CCDC192: variants seen among roughly 807,000 people sequenced by gnomAD.
CCDC192 encodes coiled-coil domain-containing protein 192.
chr5:127,894,467 A>G (rs1224829400), intron 6 of CCDC192, among the ~76,000 whole-genome samples: 1 of 152,142 alleles, frequency 6.6e-6, no homozygotes, highest in Non-Finnish European at 1.5e-5. Context: ...CTAGGATTAC[A>G]CGCGTGAGCC....
chr5:127,830,158 G>C (rs545108597), intron 5 of CCDC192, among the ~76,000 whole-genome samples: 1 of 136,288 alleles, frequency 7.3e-6, no homozygotes, highest in African/African-American at 2.9e-5. Flanking sequence ...GATGCCTTTC[G>C]CAGTCTCAAA....
rs1228246159 is a variant in CCDC192, at chr5:127,849,757, T to C, written c.412-25781T>C. Among the ~76,000 whole-genome samples, 4 of 152,352 alleles carry C rather than the reference T, an allele frequency of 2.6e-5. No homozygotes were observed. In the East Asian group the frequency reaches 7.7e-4, roughly 29 times the overall value. On this transcript the variant is annotated intron_variant, in intron 5 of 6. Transcript: ENST00000514853. ...TCTTCAACTTCTCAGTAATACCTTT[T>C]CCTAAAGCCAGTCCTGTTTCCTAAA...
chr5:127,861,484 G>A (rs541650125), intron 5 of CCDC192, among the ~76,000 whole-genome samples: 5 of 151,440 alleles, frequency 3.3e-5, no homozygotes, highest in African/African-American at 9.7e-5. Context: ...GCAAAGCCCC[G>A]TCTTTACTGA....
chr5:127,814,466 G>A (rs969073366), intron 5 of CCDC192, among the ~76,000 whole-genome samples: 9 of 152,270 alleles, frequency 5.9e-5, no homozygotes, highest in Non-Finnish European at 1.2e-4. Context: ...TTGCAAGGCT[G>A]CCATGTTGAG....
At chr5:127,931,656 G>A (rs1337542054) in intron 6 of CCDC192, among the ~76,000 whole-genome samples, 1 of 152,052 alleles carries the variant, frequency 6.6e-6, no homozygotes, top group African/African-American at 2.4e-5. Context: ...TCCTTGGGAA[G>A]CTCTGTAAAA....
At chr5:127,724,312 C>T (rs111722944) in intron 2 of CCDC192, among the ~76,000 whole-genome samples, 1 of 152,266 alleles carries the variant, frequency 6.6e-6, no homozygotes, top group Admixed American at 6.5e-5. Context: ...TTTCTACCTG[C>T]GATCTTCCTT....
chr5:127,757,839 G>T (rs528266731), intron 3 of CCDC192, among the ~76,000 whole-genome samples: 2 of 150,566 alleles, frequency 1.3e-5, no homozygotes, highest in Admixed American at 1.3e-4. Flanking sequence ...GTATGTGTGT[G>T]TGTGTGTGTG....
intron 6 of CCDC192, among the ~76,000 whole-genome samples, chr5:127,892,693 C>T (rs1416493899): frequency 2.6e-5 from 4 of 152,000 alleles, no homozygotes; most frequent in Admixed American, 6.6e-5. Context: ...TGGCATTGTT[C>T]TAGAGAGAAA....
chr5:127,755,743 C>G (rs1580603961), intron 3 of CCDC192, among the ~76,000 whole-genome samples: 1 of 146,962 alleles, frequency 6.8e-6, no homozygotes, highest in African/African-American at 2.5e-5. Flanking sequence ...CAATGGATAA[C>G]TAAAAAAGGG....
At chr5:127,922,313 T>A (rs1345959683) in intron 6 of CCDC192, among the ~76,000 whole-genome samples, 1 of 152,256 alleles carries the variant, frequency 6.6e-6, no homozygotes, top group African/African-American at 2.4e-5. Context: ...GACTACAAAA[T>A]GAGACTTGTA....
chr5:127,857,101 T>A (rs1022749874), intron 5 of CCDC192, among the ~76,000 whole-genome samples: 1 of 152,222 alleles, frequency 6.6e-6, no homozygotes, highest in Non-Finnish European at 1.5e-5. Flanking sequence ...TGCATTCTCA[T>A]GGAAATCTCA....
chr5:127,912,419 C>CAAAAAAA lies in CCDC192; in HGVS notation c.536-28748_536-28742dup, dbSNP rs60854127. Reference sequence around the variant, plus strand: ...AGTGAGAATAGATTCCTGGGTTTAGCAAAAAAAAAAAAAAAAAAAAATGAA... The same window carrying CAAAAAAA: ...AGTGAGAATAGATTCCTGGGTTTAGCAAAAAAAAAAAAAAAAAAAAAAAAAAAATGAA... On this transcript the variant is annotated intron_variant, in intron 6 of 6. Coordinates refer to ENST00000514853, the MANE Select transcript of CCDC192 (RefSeq NM_001317938.2). Among the ~76,000 whole-genome samples the CAAAAAAA allele has an allele frequency of 2.2e-3, 183 of 81,422 alleles. 16 individuals are homozygous for CAAAAAAA. Among genetic ancestry groups the CAAAAAAA allele is most frequent in the African/African-American group, 7.7e-3 (152 of 19,812 alleles). 53.4% of individuals were successfully genotyped at this position (81,422 alleles called of 152,430 possible). A position where few individuals can be genotyped will look rare whatever the true frequency, so the allele number is the denominator to read the frequency against.
At chr5:127,807,091 G>A (rs1277001105) in intron 5 of CCDC192, among the ~76,000 whole-genome samples, 8 of 152,102 alleles carry the variant, frequency 5.3e-5, no homozygotes, top group Non-Finnish European at 1.5e-5. Context: ...ATAGTTTTTT[G>A]GAGGTTACGT....
chr5:127,856,133 A>G (rs1430981294), intron 5 of CCDC192, among the ~76,000 whole-genome samples: 1 of 152,168 alleles, frequency 6.6e-6, no homozygotes, highest in Non-Finnish European at 1.5e-5. Flanking sequence ...TCACCATTGA[A>G]AATCTGTTGT....
chr5:127,859,809 TAA>T (rs1383337702), intron 5 of CCDC192, among the ~76,000 whole-genome samples: 1 of 152,250 alleles, frequency 6.6e-6, no homozygotes, highest in Non-Finnish European at 1.5e-5. Context: ...ACCAATTTAC[TAA>T]GTCTCTTGTC....
chr5:127,832,156 A>G (rs575256218), intron 5 of CCDC192, among the ~76,000 whole-genome samples: 4 of 152,354 alleles, frequency 2.6e-5, no homozygotes, highest in East Asian at 1.9e-4. Context: ...AATATCTTTA[A>G]TCTCACCAGT....
chr5:127,894,045 A>G (rs1176070458), intron 6 of CCDC192, among the ~76,000 whole-genome samples: 6 of 152,122 alleles, frequency 3.9e-5, no homozygotes, highest in Non-Finnish European at 7.4e-5. Flanking sequence ...AAGAGTTGAG[A>G]CAAAGCTGAA....
chr5:127,776,473 G>T (rs1044095171), intron 3 of CCDC192, among the ~76,000 whole-genome samples: 1 of 152,182 alleles, frequency 6.6e-6, no homozygotes, highest in African/African-American at 2.4e-5. Context: ...TAAAAGTTCA[G>T]AAAATTTGCA....
chr5:127,704,603 A>C (rs961580107), intron 1 of CCDC192, among the ~76,000 whole-genome samples: 2 of 152,208 alleles, frequency 1.3e-5, no homozygotes, highest in East Asian at 1.9e-4. Flanking sequence ...CACAAATCTA[A>C]GATTTTATGT....
Sources: gnomAD v4.1 joint callset for allele counts (sites outside exome capture counted in the v4.1 genomes callset) on GRCh38, gnomAD v4.1.1 for gene constraint, MANE v1.5 for transcripts, NCBI Gene and HGNC (gene_info 2026-07-23, HGNC 2026-07-21) for gene names.